CDT1: variants seen among roughly 807,000 people sequenced by gnomAD.
CDT1 encodes the protein chromatin licensing and DNA replication factor 1.
In CDT1, 66 loss-of-function variants were observed where a neutral mutation model predicts 49.3. That is an observed-to-expected ratio of 1.34 (90% CI 1.10 to 1.64). The LOEUF (loss-of-function observed/expected upper bound fraction) is 1.64. Among genes scored for constraint, CDT1 ranks in the 40% most tolerant of loss-of-function variants. The pLI is 0.00. For synonymous variants in CDT1, 424 were observed against 347.4 expected (o/e 1.22, Z -2.45); for missense variants, 958 against 807.7 (o/e 1.19, Z -2.26).
chr16:88,804,262 G>A (rs1050064730), intron 1 of CDT1, among the ~76,000 whole-genome samples: 2 of 152,266 alleles, frequency 1.3e-5, no homozygotes. Context: ...CCTGAGATGA[G>A]CAGGAGGCAC....
rs1597503816 is a variant in CDT1 at position 88,803,985 on chromosome 16, C to T, written c.154C>T (p.Arg52Cys). The change falls in exon 1 of 10, where the codon CGC becomes TGC. Residue 52 changes from arginine (R) to cysteine (C), a missense_variant. Arg to Cys is a radical substitution (Grantham distance 180). Transcript: ENST00000301019. ...TACCAGTGGCAGCCGCAAGCGCGCCCGCCCGCCCGCCGCCCCCGGACGCGA... is the reference window on the plus strand; with the variant it reads ...TACCAGTGGCAGCCGCAAGCGCGCCTGCCCGCCCGCCGCCCCCGGACGCGA... The part of the protein sequence containing the change: ...SATSGSRKRA[R>C]PPAAPGRDQA... The T allele has an allele frequency of 6.9e-7, 1 of 1,446,496 alleles. No homozygotes were observed. Among genetic ancestry groups the T allele is most frequent in the Non-Finnish European group, 9.1e-7 (1 of 1,104,880 alleles). 89.6% of individuals were successfully genotyped at this position (1,446,496 alleles called of 1,614,324 possible).
In CDT1 at chr16:88,804,016, C is replaced by T. The variant is rs561655241; in HGVS notation, c.185C>T (p.Ala62Val). ...RPPAAPGRDQARPPARRRLRL... is the reference protein window; with the variant it reads ...RPPAAPGRDQVRPPARRRLRL... ...CCCGCCGCCCCCGGACGCGACCAGG[C>T]CAGGCCACCGGCCCGCAGGAGACTG... is the stretch of plus-strand genomic sequence containing the variant. The change falls in exon 1 of 10, where the codon GCC becomes GTC. Residue 62 changes from alanine to valine, a missense_variant. By Grantham distance (64) the Ala-to-Val change is moderately conservative. Coordinates refer to ENST00000301019, the MANE Select transcript of CDT1 (RefSeq NM_030928.4). 3.5e-3 allele frequency: 5,157 copies of T among 1,463,926 alleles called. 110 individuals are homozygous for T. The East Asian group carries it at 0.035, about 10-fold the overall frequency. The allele number at this position is 1,463,926 out of a possible 1,614,324, so 90.7% of individuals were successfully genotyped here. A position where few individuals can be genotyped will look rare whatever the true frequency, so the allele number is the denominator to read the frequency against.
rs1012963210 is a variant in CDT1 at position 88,804,405 on chromosome 16, A to G, written c.229-140A>G. On this transcript the variant is annotated intron_variant, in intron 1 of 9. Transcript: ENST00000301019. ...TGTGTCCCCGGCCTTAGCACAGACC[A>G]CCATCTACGGGAAGTCCTAAGCCCC... is the stretch of plus-strand genomic sequence containing the variant. 9.8e-6 allele frequency: 11 copies of G among 1,120,976 alleles called. No individual in the cohort carries two copies. In the African/African-American group the frequency reaches 1.7e-4, roughly 18 times the overall value. The allele number at this position is 1,120,976 out of a possible 1,614,324, so 69.4% of individuals were successfully genotyped here.
Position 88,803,916 on chromosome 16 carries a change from A to AC in CDT1, c.90dup (p.Ser31GlnfsTer92). The AC allele has an allele frequency of 7.3e-7, 1 of 1,374,428 alleles. No homozygotes were observed. Among genetic ancestry groups the AC allele is most frequent in the Non-Finnish European group, 9.4e-7 (1 of 1,060,734 alleles). 85.1% of individuals were successfully genotyped at this position (1,374,428 alleles called of 1,614,324 possible). A position where few individuals can be genotyped will look rare whatever the true frequency, so the allele number is the denominator to read the frequency against. On this transcript the variant is annotated frameshift_variant, in exon 1 of 10. Transcript: ENST00000301019. LOFTEE classifies it high-confidence loss of function. Reference sequence around the variant, plus strand: ...CGCGCCGCCCAAGCTGGCCTGCCGCACCCCCAGCCCCGCCAGGCCCGCACT... The same window carrying AC: ...CGCGCCGCCCAAGCTGGCCTGCCGCACCCCCCAGCCCCGCCAGGCCCGCACT...
At chr16:88,806,409 A>G in intron 6 of CDT1, 77 bp from the exon 7 acceptor site, 1 of 1,527,050 alleles carries the variant, frequency 6.5e-7, no homozygotes. Context: ...CTGGGACGTA[A>G]GCACAGGCCT....
At chr16:88,805,121 G>A (rs1307531013) in intron 3 of CDT1, among the ~76,000 whole-genome samples, 1 of 152,256 alleles carries the variant, frequency 6.6e-6, no homozygotes, top group Non-Finnish European at 1.5e-5. Flanking sequence ...GGGGACTCTG[G>A]CAGGTTTCAA....
At chr16:88,804,114 C>A (rs1290226963) in intron 1 of CDT1, 55 bp downstream of exon 1, 12 of 1,162,046 alleles carry the variant, frequency 1.0e-5, no homozygotes, top group Non-Finnish European at 1.3e-5. Flanking sequence ...AGACTGAGGC[C>A]CGGGGGGCAG....
At position 88,804,787 on chromosome 16, in the gene CDT1, G is replaced by T; in HGVS notation, c.377G>T (p.Cys126Phe). ...GACACCATCTCTGAGCTTGCGTCAT[G>T]CCTGCAACGGGCCCGGGAGCTGGGG... Reference protein sequence around the residue: ...DQDTISELASCLQRARELGAR... With the variant: ...DQDTISELASFLQRARELGAR... Residue 126 changes from cysteine (C) to phenylalanine (F), a missense_variant, in exon 3 of 10, where the codon TGC becomes TTC. By Grantham distance (205) the Cys-to-Phe change is radical. Transcript: ENST00000301019. 6.2e-7 allele frequency: 1 copy of T among 1,612,858 alleles called. No homozygotes were observed. Among genetic ancestry groups the T allele is most frequent in the Non-Finnish European group, 8.5e-7 (1 of 1,179,890 alleles).
intron 9 of CDT1, 58 bp from the exon 10 acceptor site, chr16:88,808,057 C>T: frequency 1.3e-6 from 2 of 1,582,360 alleles, no homozygotes; most frequent in East Asian, 2.3e-5. Context: ...GTTTCAAGTG[C>T]TGCCCGTGCA....
chr16:88,808,491 T>A lies in CDT1; in HGVS notation c.*213T>A. 1.7e-6 allele frequency: 1 copy of A among 602,768 alleles called. No homozygotes were observed. Among genetic ancestry groups the A allele is most frequent in the Admixed American group, 3.0e-5 (1 of 33,170 alleles). The allele number at this position is 602,768 out of a possible 1,614,324, so 37.3% of individuals were successfully genotyped here. A position where few individuals can be genotyped will look rare whatever the true frequency, so the allele number is the denominator to read the frequency against. ...TGGGGCTCACCTGGTGGATTCACATTAAACCGGTTTCTGTGGGCACCTCTG... is the reference window on the plus strand; with the variant it reads ...TGGGGCTCACCTGGTGGATTCACATAAAACCGGTTTCTGTGGGCACCTCTG... On this transcript the variant is annotated 3_prime_UTR_variant, in exon 10 of 10. Coordinates refer to ENST00000301019, the MANE Select transcript of CDT1 (RefSeq NM_030928.4).
chr16:88,808,324 G>C lies in CDT1; in HGVS notation c.*46G>C, dbSNP rs1296515457. On this transcript the variant is annotated 3_prime_UTR_variant, in exon 10 of 10. Coordinates refer to ENST00000301019, the MANE Select transcript of CDT1 (RefSeq NM_030928.4). ...AGACGTGGGCTTCAGAAGCTCGCTG[G>C]CCTGGGCCCACCAGCATTTTCTTTT... 2.1e-5 allele frequency: 32 copies of C among 1,537,666 alleles called. No homozygotes were observed. The highest frequency in any genetic ancestry group is 2.7e-5 in the Non-Finnish European group (31 of 1,138,814).
Position 88,803,931 on chromosome 16 carries a change from A to C in CDT1, c.100A>C (p.Arg34=). 1.5e-6 allele frequency: 2 copies of C among 1,369,814 alleles called. No individual in the cohort carries two copies. The highest frequency in any genetic ancestry group is 2.2e-4 in the Middle Eastern group (1 of 4,506). The allele number at this position is 1,369,814 out of a possible 1,614,324, so 84.9% of individuals were successfully genotyped here. A position where few individuals can be genotyped will look rare whatever the true frequency, so the allele number is the denominator to read the frequency against. ...GGCCTGCCGCACCCCCAGCCCCGCC[A>C]GGCCCGCACTCCGCGCCCCGGCCTC... ...KLACRTPSPA[R]PALRAPASAT... Residue 34 remains arginine, a synonymous_variant, in exon 1 of 10, where the codon AGG becomes CGG. Transcript: ENST00000301019.
At chr16:88,805,689 G>C (rs1409562007) in intron 4 of CDT1, 35 bp from the exon 5 acceptor site, 1 of 1,612,536 alleles carries the variant, frequency 6.2e-7, no homozygotes, top group Non-Finnish European at 8.5e-7. Flanking sequence ...GGTGGGCCCG[G>C]GCCTGCCTCC....
At chr16:88,805,668 C>T (rs1908825088) in intron 4 of CDT1, 31 bp downstream of exon 4, 2 of 1,612,526 alleles carry the variant, frequency 1.2e-6, no homozygotes, top group African/African-American at 1.3e-5. Context: ...TGTGGCTGTC[C>T]TGGAGTTGGG....
chr16:88,808,240 C>T lies in CDT1; in HGVS notation c.1603C>T (p.Arg535Cys), dbSNP rs548156534. ...CGCGGACCTCGCCCACATCACTGCACGCCTGGCCCACCAGACACGTGCTGA... is the reference window on the plus strand; with the variant it reads ...CGCGGACCTCGCCCACATCACTGCATGCCTGGCCCACCAGACACGTGCTGA... ...KAADLAHITA[R>C]LAHQTRAEEG... The change falls in exon 10 of 10, where the codon CGC becomes TGC. Residue 535 changes from arginine to cysteine, a missense_variant. Physicochemically the swap from Arg to Cys is radical, Grantham distance 180 (BLOSUM62 -3). Transcript: ENST00000301019. The T allele has an allele frequency of 1.2e-5, 19 of 1,604,104 alleles. No individual in the cohort carries two copies. Among genetic ancestry groups the T allele is most frequent in the South Asian group, 5.6e-5 (5 of 89,612 alleles).
Position 88,808,236 on chromosome 16 carries a change from T to G in CDT1, c.1599T>G (p.Thr533=), listed in dbSNP as rs748784219. The change falls in exon 10 of 10, where the codon ACT becomes ACG. Residue 533 remains threonine, a synonymous_variant. Transcript: ENST00000301019. The stretch of plus-strand genomic sequence containing the variant: ...AGGCCGCGGACCTCGCCCACATCAC[T>G]GCACGCCTGGCCCACCAGACACGTG... ...LDKAADLAHI[T]ARLAHQTRAE... is the part of the protein sequence containing the mutation. 2.6e-5 allele frequency: 41 copies of G among 1,605,376 alleles called. No homozygotes were observed. Among genetic ancestry groups the G allele is most frequent in the Non-Finnish European group, 3.3e-5 (39 of 1,176,678 alleles).
intron 5 of CDT1, 62 bp from the exon 6 acceptor site, chr16:88,805,959 A>T (rs1440002690): frequency 5.7e-6 from 9 of 1,582,596 alleles, no homozygotes; most frequent in Non-Finnish European, 7.7e-6. Flanking sequence ...CTGGCCCAGG[A>T]CTGGTCACGG....
At chr16:88,806,226 A>G (rs531298214) in intron 6 of CDT1, 105 bp downstream of exon 6, 1 of 1,181,046 alleles carries the variant, frequency 8.5e-7, no homozygotes, top group East Asian at 2.5e-5. Context: ...TTCTCCCGGG[A>G]TGGAACTGGG....
rs1380701720 is a variant in CDT1, at chr16:88,807,607, T to C, written c.1477+125T>C. 4 of 981,452 alleles carry C rather than the reference T, an allele frequency of 4.1e-6. No homozygotes were observed. In the African/African-American group the frequency reaches 6.4e-5, roughly 16 times the overall value. The allele number at this position is 981,452 out of a possible 1,614,324, so 60.8% of individuals were successfully genotyped here. ...TTCTGTTCAGATGTGCAGTGGGCGC[T>C]GGCCTCTTGCACTGGTGTGTCCTGG... On this transcript the variant is annotated intron_variant, in intron 9 of 9. Transcript: ENST00000301019.
Sources: allele counts gnomAD v4.1 joint callset (sites outside exome capture counted in the v4.1 genomes callset), GRCh38; gene constraint gnomAD v4.1.1; transcripts MANE v1.5; gene names NCBI Gene and HGNC (gene_info 2026-07-23, HGNC 2026-07-21).